DSCAML1: variants seen among roughly 807,000 people sequenced by gnomAD.
DSCAML1 encodes the protein DS cell adhesion molecule like 1, also known as cell adhesion molecule DSCAML1.
A neutral mutation model predicts 200.5 loss-of-function variants in DSCAML1; 38 were observed. The ratio of observed to expected loss-of-function variants is 0.19; its 90% CI spans 0.15 to 0.25. The LOEUF (loss-of-function observed/expected upper bound fraction) is 0.25. DSCAML1 is among the 10% of genes least tolerant of loss of function. The pLI, the probability that DSCAML1 is intolerant of heterozygous loss-of-function variation, is 1.00. For synonymous variants in DSCAML1, 1,215 were observed against 1,165.0 expected (o/e 1.04, Z -0.87); for missense variants, 2,223 against 2,858.8 (o/e 0.78, Z 5.07).
At chr11:117,644,825 G>A (rs905321980) in intron 3 of DSCAML1, among the ~76,000 whole-genome samples, 1 of 152,200 alleles carries the variant, frequency 6.6e-6, no homozygotes, top group Non-Finnish European at 1.5e-5. Flanking sequence ...TGGTTGGTGT[G>A]GTCAAGGGAT....
chr11:117,669,390 G>T (rs1271824180), intron 3 of DSCAML1, among the ~76,000 whole-genome samples: 1 of 152,192 alleles, frequency 6.6e-6, no homozygotes, highest in East Asian at 1.9e-4. Context: ...GACCTTCAAG[G>T]TCCCCATCTG....
At chr11:117,661,978 G>A (rs559770394) in intron 3 of DSCAML1, among the ~76,000 whole-genome samples, 5 of 152,318 alleles carry the variant, frequency 3.3e-5, no homozygotes, top group South Asian at 4.1e-4. Flanking sequence ...CTGGGTCAGC[G>A]AGACTTCAGC....
At chr11:117,532,997 G>A (rs959620816) in intron 3 of DSCAML1, among the ~76,000 whole-genome samples, 3 of 151,696 alleles carry the variant, frequency 2.0e-5, no homozygotes, top group Non-Finnish European at 4.4e-5. Context: ...ACAATTAGCT[G>A]GGTTTGGTAG....
chr11:117,468,804 G>A (rs1171826998), intron 16 of DSCAML1, among the ~76,000 whole-genome samples: 1 of 152,192 alleles, frequency 6.6e-6, no homozygotes, highest in Non-Finnish European at 1.5e-5. Context: ...ATGGTCTTAG[G>A]AAAAATATCA....
intron 3 of DSCAML1, among the ~76,000 whole-genome samples, chr11:117,631,212 G>A (rs2052165948): frequency 1.3e-5 from 2 of 152,204 alleles, no homozygotes; most frequent in African/African-American, 4.8e-5. Flanking sequence ...CCCCAAATCT[G>A]AGCTACCTGG....
In DSCAML1 at chr11:117,446,118, C is replaced by T. The variant is rs183453600; in HGVS notation, c.3709-2079G>A. ...CTGGCTCACATCTGTAATCCCAGCA[C>T]TGTGGGAGGCCAAGGCAGGTGGATC... On this transcript the variant is annotated intron_variant, in intron 20 of 32. Coordinates refer to ENST00000651296, the MANE Select transcript of DSCAML1 (RefSeq NM_020693.4). Among the ~76,000 whole-genome samples, 253 of 152,338 alleles carry T rather than the reference C, an allele frequency of 1.7e-3. 1 individual carries two copies. The highest frequency in any genetic ancestry group is 0.01 in the Middle Eastern group (3 of 294).
Position 117,517,140 on chromosome 11 carries a change from T to C in DSCAML1, c.1511-401A>G, listed in dbSNP as rs553190541. On this transcript the variant is annotated intron_variant, in intron 7 of 32. Transcript: ENST00000651296. ...GGGATTAAAGTGGAAAGGTAGAGAT[T>C]TTGTTGTTTCCATTCTACTTGCTTA... 3.3e-5 allele frequency among the ~76,000 whole-genome samples: 5 copies of C among 152,216 alleles called. No individual in the cohort carries two copies. In the South Asian group the frequency reaches 1.0e-3, roughly 32 times the overall value.
chr11:117,746,888 G>C (rs749943756), intron 3 of DSCAML1, among the ~76,000 whole-genome samples: 1 of 152,178 alleles, frequency 6.6e-6, no homozygotes. Flanking sequence ...TGGGAAGCCT[G>C]GGCTCCCTTA....
chr11:117,490,882 C>A (rs185589823), intron 11 of DSCAML1, among the ~76,000 whole-genome samples: 1 of 152,156 alleles, frequency 6.6e-6, no homozygotes, highest in African/African-American at 2.4e-5. Context: ...GGAGGAGGTC[C>A]GGGCTAGCAG....
At chr11:117,659,954 C>T (rs956024462) in intron 3 of DSCAML1, among the ~76,000 whole-genome samples, 3 of 152,152 alleles carry the variant, frequency 2.0e-5, no homozygotes, top group Admixed American at 6.5e-5. Flanking sequence ...GAACTCCTGA[C>T]CTCAAGTGAT....
In DSCAML1 at chr11:117,518,298, T is replaced by C; in HGVS notation, c.1510+168A>G. The C allele has an allele frequency of 3.6e-6, 3 of 842,222 alleles. No individual in the cohort carries two copies. Among genetic ancestry groups the C allele is most frequent in the South Asian group, 1.6e-5 (1 of 63,000 alleles). The allele number at this position is 842,222 out of a possible 1,614,324, so 52.2% of individuals were successfully genotyped here. On this transcript the variant is annotated intron_variant, in intron 7 of 32. Coordinates refer to ENST00000651296, the MANE Select transcript of DSCAML1 (RefSeq NM_020693.4). The surrounding 1 kb of genome is among the most constrained non-coding windows in gnomAD (Gnocchi z 6.3). ...CACACACGCACACAAGAATGGATGA[T>C]GGCGCTTGAGGAGGGCAGGAAAAGG... is the stretch of plus-strand genomic sequence containing the variant.
chr11:117,471,220 G>A (rs1356268579), intron 15 of DSCAML1, among the ~76,000 whole-genome samples: 1 of 151,234 alleles, frequency 6.6e-6, no homozygotes, highest in Non-Finnish European at 1.5e-5. Flanking sequence ...CGCCCAGGCT[G>A]GAGTGCAGTG....
chr11:117,463,449 C>A lies in DSCAML1; in HGVS notation c.3265+1493G>T, dbSNP rs2048522048. Among the ~76,000 whole-genome samples the A allele has an allele frequency of 6.6e-6, 1 of 152,002 alleles. No homozygotes were observed. The highest frequency in any genetic ancestry group is 1.5e-5 in the Non-Finnish European group (1 of 68,010). Reference sequence around the variant, plus strand: ...TAGAAATGAACATTCTTGGCCCCCACCTCAGACCTGCTTGAAGCAGAAGCT... The same window carrying A: ...TAGAAATGAACATTCTTGGCCCCCAACTCAGACCTGCTTGAAGCAGAAGCT... On this transcript the variant is annotated intron_variant, in intron 17 of 32. Coordinates refer to ENST00000651296, the MANE Select transcript of DSCAML1 (RefSeq NM_020693.4). This position sits in a 1 kb window ranked among gnomAD's most constrained non-coding sequence, Gnocchi z 4.0.
intron 3 of DSCAML1, among the ~76,000 whole-genome samples, chr11:117,643,483 G>A (rs542365871): frequency 2.0e-5 from 3 of 152,176 alleles, no homozygotes; most frequent in Admixed American, 1.3e-4. Context: ...TTCTGCAAAT[G>A]TACCTTTTAT....
intron 3 of DSCAML1, among the ~76,000 whole-genome samples, chr11:117,758,507 T>A (rs1259121346): frequency 1.3e-5 from 2 of 151,798 alleles, no homozygotes; most frequent in Non-Finnish European, 2.9e-5. Context: ...GTTCACGCCA[T>A]TCTCCTGCCT....
intron 4 of DSCAML1, among the ~76,000 whole-genome samples, chr11:117,525,285 C>T (rs1454382604): frequency 6.6e-6 from 1 of 152,122 alleles, no homozygotes; most frequent in Non-Finnish European, 1.5e-5. Context: ...CCCCAGACAA[C>T]TTTGACTGGG....
At chr11:117,707,313 G>T (rs979018593) in intron 3 of DSCAML1, among the ~76,000 whole-genome samples, 14 of 152,320 alleles carry the variant, frequency 9.2e-5, no homozygotes, top group Middle Eastern at 3.4e-3. Flanking sequence ...GCAACAAATA[G>T]AATCAGTTTC....
At chr11:117,609,311 C>CT (rs765168401) in intron 3 of DSCAML1, among the ~76,000 whole-genome samples, 619 of 60,818 alleles carry the variant, frequency 0.01, 4 homozygotes, top group Non-Finnish European at 0.014. Context: ...TTCTTTCTTT[C>CT]TTTTTTTTTT....
At chr11:117,654,001 G>A (rs375613841) in intron 3 of DSCAML1, among the ~76,000 whole-genome samples, 109 of 152,288 alleles carry the variant, frequency 7.2e-4, no homozygotes, top group South Asian at 2.5e-3. Flanking sequence ...ACTCCAGCCT[G>A]GGTGAGAGAA....
Sources: gnomAD v4.1 joint callset for allele counts (sites outside exome capture counted in the v4.1 genomes callset) on GRCh38, gnomAD v4.1.1 for gene constraint, Gnocchi (gnomAD v3.1) non-coding constraint, MANE v1.5 for transcripts, NCBI Gene and HGNC (gene_info 2026-07-23, HGNC 2026-07-21) for gene names.